The following EXT2 variants were observed in gnomAD, a reference collection of about 807,000 sequenced individuals.
EXT2 encodes exostosin glycosyltransferase 2, also known as exostosin-2.
Under a neutral mutation model 81.6 loss-of-function variants are expected in EXT2, and 53 were observed. The ratio of observed to expected loss-of-function variants is 0.65; its 90% confidence interval spans 0.52 to 0.82. The LOEUF is 0.82. EXT2 is among the 40% of genes least tolerant of loss of function. The pLI, the probability that EXT2 is intolerant of heterozygous loss-of-function variation, is 0.00. For missense variants in EXT2, 774 were observed against 910.2 expected, an observed-to-expected ratio of 0.85 and a Z score of 1.93; for synonymous variants, 320 against 340.0, an observed-to-expected ratio of 0.94 and a Z score of 0.65.
rs74750521 is a variant in EXT2, at chr11:44,165,283, G to T, written c.1174-6328G>T. On this transcript the variant is annotated intron_variant, in intron 7 of 13. Transcript: ENST00000533608. ...TCTGGATGAGAATAGTGGTGCTTTC[G>T]TACATTGCCAGCGTAGCTGAAGACT... 5.5e-3 allele frequency among the ~76,000 whole-genome samples: 836 copies of T among 152,276 alleles called. 13 individuals carry two copies. Among genetic ancestry groups the T allele is most frequent in the African/African-American group, 0.019 (793 of 41,548 alleles).
intron 8 of EXT2, among the ~76,000 whole-genome samples, chr11:44,187,096 G>T (rs931298017): frequency 3.8e-5 from 5 of 132,466 alleles, no homozygotes; most frequent in Non-Finnish European, 7.9e-5. Flanking sequence ...CTTCTGCAGC[G>T]GCACAATCAT....
intron 10 of EXT2, among the ~76,000 whole-genome samples, chr11:44,232,103 C>A (rs544030706): frequency 6.6e-6 from 1 of 152,220 alleles, no homozygotes; most frequent in Non-Finnish European, 1.5e-5. Context: ...TAAGCTATTA[C>A]CCCCACATTA....
intron 3 of EXT2, among the ~76,000 whole-genome samples, chr11:44,112,133 C>T (rs7107948): frequency 0.56 from 84,695 of 152,026 alleles, 24,089 homozygotes; most frequent in East Asian, 0.77. Context: ...AAGCAAAGGA[C>T]AAACTTGCAG....
intron 4 of EXT2, among the ~76,000 whole-genome samples, chr11:44,121,049 G>T (rs1280379038): frequency 6.6e-6 from 1 of 152,210 alleles, no homozygotes; most frequent in Admixed American, 6.5e-5. Context: ...CAGCCAGCAT[G>T]CAAGCAAGGG....
chr11:44,176,946 C>T (rs1415823383), intron 8 of EXT2, among the ~76,000 whole-genome samples: 9 of 147,614 alleles, frequency 6.1e-5, no homozygotes, highest in Middle Eastern at 3.6e-3. Context: ...AAAAGGCCTA[C>T]GTGTGTCGAT....
chr11:44,124,532 G>A (rs1954369046), intron 4 of EXT2, among the ~76,000 whole-genome samples: 1 of 150,702 alleles, frequency 6.6e-6, no homozygotes, highest in Non-Finnish European at 1.5e-5. Flanking sequence ...ATTTCCTCAC[G>A]ATATCAAGAA....
At chr11:44,219,691 C>G (rs1419212946) in intron 10 of EXT2, among the ~76,000 whole-genome samples, 1 of 152,076 alleles carries the variant, frequency 6.6e-6, no homozygotes, top group East Asian at 1.9e-4. Context: ...TTCTTTATGG[C>G]ACATGGAACC....
Position 44,126,613 on chromosome 11 carries a change from A to G in EXT2, c.940-203A>G, listed in dbSNP as rs111293320. 0.01 allele frequency among the ~76,000 whole-genome samples: 1,533 copies of G among 152,388 alleles called. 8 individuals are homozygous for G. Among genetic ancestry groups the G allele is most frequent in the Middle Eastern group, 0.034 (10 of 294 alleles). On this transcript the variant is annotated intron_variant, in intron 5 of 13. Coordinates refer to ENST00000533608, the MANE Select transcript of EXT2 (RefSeq NM_207122.2). ...TGGCATTGAAGCAATACTGAAGAGT[A>G]GAAATATTAATACAAAACATTGCAG...
chr11:44,135,501 C>T (rs542764710), intron 7 of EXT2, among the ~76,000 whole-genome samples: 8 of 151,168 alleles, frequency 5.3e-5, no homozygotes, highest in African/African-American at 1.9e-4. Context: ...AAGTGATTCT[C>T]GTGCCTCAGC....
chr11:44,230,386 G>A (rs187189750), intron 10 of EXT2, among the ~76,000 whole-genome samples: 4 of 152,250 alleles, frequency 2.6e-5, no homozygotes, highest in East Asian at 3.9e-4. Context: ...TTTTGAGGGC[G>A]GGACCTTTCT....
At position 44,245,247 on chromosome 11, in the gene EXT2, C is replaced by T. The variant is rs781252558; in HGVS notation, c.*960C>T. On this transcript the variant is annotated 3_prime_UTR_variant, in exon 14 of 14. Coordinates refer to ENST00000533608, the MANE Select transcript of EXT2 (RefSeq NM_207122.2). ...GCAAGGAGTCGCTCTAGCTGGTACC[C>T]GTAAAAGTTGTGGGAATTGTGACCC... The T allele has an allele frequency of 9.3e-5, 21 of 226,522 alleles. No homozygotes were observed. The highest frequency in any genetic ancestry group is 3.8e-4 in the East Asian group (6 of 15,862). The allele number at this position is 226,522 out of a possible 1,614,324, so 14.0% of individuals were successfully genotyped here.
intron 12 of EXT2, 75 bp from the exon 13 acceptor site, chr11:44,236,218 C>A: frequency 8.0e-7 from 1 of 1,251,672 alleles, no homozygotes; most frequent in Non-Finnish European, 1.2e-6. Flanking sequence ...CAAAAGAATG[C>A]AGTGTGGTGT....
intron 10 of EXT2, among the ~76,000 whole-genome samples, chr11:44,215,865 A>AT (rs34411687): frequency 0.018 from 2,272 of 127,778 alleles, 41 homozygotes; most frequent in African/African-American, 0.046. Context: ...CCATTTGGGA[A>AT]TTTTTTTTTT....
At chr11:44,150,810 A>G (rs1206120103) in intron 7 of EXT2, among the ~76,000 whole-genome samples, 6 of 152,212 alleles carry the variant, frequency 3.9e-5, no homozygotes, top group Non-Finnish European at 5.9e-5. Context: ...GACCTATTAT[A>G]CAACAGCTGT....
chr11:44,232,488 TATCACAAGG>T lies in EXT2; in HGVS notation c.1799_1806+1del. ...CATGGTGCTCACTGGGGCAGCTTTTTATCACAAGGTAAGGGGGCGCAGTCCTGGCAAGGT... is the reference window on the plus strand; with the variant it reads ...CATGGTGCTCACTGGGGCAGCTTTTTTAAGGGGGCGCAGTCCTGGCAAGGT... On this transcript the variant is annotated splice_donor_variant and coding_sequence_variant, in exon 11 of 14. Transcript: ENST00000533608. LOFTEE classifies it high-confidence loss of function. 1 of 1,613,974 alleles carries T rather than the reference TATCACAAGG, an allele frequency of 6.2e-7. No homozygotes were observed. Among genetic ancestry groups the T allele is most frequent in the East Asian group, 2.2e-5 (1 of 44,880 alleles).
intron 10 of EXT2, among the ~76,000 whole-genome samples, chr11:44,218,398 G>T (rs528264661): frequency 6.6e-6 from 1 of 152,162 alleles, no homozygotes; most frequent in Non-Finnish European, 1.5e-5. Context: ...TGGAAGCTAG[G>T]CTGCTTAGGG....
In EXT2 at chr11:44,234,071, A is replaced by AACT. The variant is rs530320925; in HGVS notation, c.1807-43_1807-41dup. On this transcript the variant is annotated intron_variant, in intron 11 of 13. Transcript: ENST00000533608. ...TGCCCCTTATTTATCAGCTAAAGGG[A>AACT]ACTGCTATTTTTGAATATTTCTTCT... 154 of 1,613,402 alleles carry AACT rather than the reference A, an allele frequency of 9.5e-5. No homozygotes were observed. In the African/African-American group the frequency reaches 1.9e-3, roughly 20 times the overall value.
Position 44,126,896 on chromosome 11 carries a change from C to G in EXT2, c.1020C>G (p.Val340=). 6.2e-7 allele frequency: 1 copy of G among 1,614,134 alleles called. No individual in the cohort carries two copies. Among genetic ancestry groups the G allele is most frequent in the South Asian group, 1.1e-5 (1 of 91,068 alleles). ...VLSDVLQAGC[V]PVVIADSYIL... is the part of the protein sequence containing the mutation. ...GCGATGTGTTACAAGCTGGCTGTGTCCCGGTTGTCATTGCAGACTCCTATA... is the reference window on the plus strand; with the variant it reads ...GCGATGTGTTACAAGCTGGCTGTGTGCCGGTTGTCATTGCAGACTCCTATA... The change falls in exon 6 of 14, where the codon GTC becomes GTG. Residue 340 remains valine (V), a synonymous_variant. Transcript: ENST00000533608.
In EXT2 at chr11:44,189,239, T is replaced by C. The variant is rs1050738705; in HGVS notation, c.1306-8590T>C. Among the ~76,000 whole-genome samples, 4 of 152,206 alleles carry C rather than the reference T, an allele frequency of 2.6e-5. No homozygotes were observed. In the East Asian group the frequency reaches 7.7e-4, roughly 29 times the overall value. ...CAGGAGCTTTAAGTTGATAATTAAC[T>C]ATCTTACTTAGTTGAAGCCTTAAGA... On this transcript the variant is annotated intron_variant, in intron 8 of 13. Coordinates refer to ENST00000533608, the MANE Select transcript of EXT2 (RefSeq NM_207122.2).
Sources: gnomAD v4.1 joint callset for allele counts (sites outside exome capture counted in the v4.1 genomes callset) on GRCh38, gnomAD v4.1.1 for gene constraint, MANE v1.5 for transcripts, NCBI Gene and HGNC (gene_info 2026-07-23, HGNC 2026-07-21) for gene names.